Variants in PTPRM observed in about 807,000 individuals in gnomAD.
PTPRM encodes receptor-type tyrosine-protein phosphatase mu.
A neutral mutation model predicts 186.7 loss-of-function variants in PTPRM; 47 were observed. The observed-to-expected ratio is 0.25, with a 90% CI of 0.20 to 0.32. The LOEUF (loss-of-function observed/expected upper bound fraction) is 0.32, where lower values mean the gene tolerates loss of function less well. Ranked by LOEUF, PTPRM falls within the 10% of genes least tolerant of loss-of-function variation. PTPRM has a pLI of 1.00. For missense variants in PTPRM, 1,494 were observed against 1,865.0 expected (o/e 0.80, Z 3.66); for synonymous variants, 668 against 674.9 (o/e 0.99, Z 0.16).
intron 2 of PTPRM, among the ~76,000 whole-genome samples, chr18:7,807,133 TC>T (rs2145429805): frequency 6.6e-6 from 1 of 152,314 alleles, no homozygotes; most frequent in South Asian, 2.1e-4. Context: ...TAGACCTGGG[TC>T]TGCTTCCAAG....
At chr18:7,892,908 C>G (rs1051010099) in intron 3 of PTPRM, among the ~76,000 whole-genome samples, 1 of 152,132 alleles carries the variant, frequency 6.6e-6, no homozygotes, top group Non-Finnish European at 1.5e-5. Context: ...GAGGGCTGTC[C>G]CCTCGTCACC....
rs1456992081 is a variant in PTPRM, at chr18:8,126,017, A to AT, written c.2167+11191dup. The stretch of plus-strand genomic sequence containing the variant: ...TATATATATATATATATATATATAT[A>AT]TATATATATATTTTAAATCAGTAGA... On this transcript the variant is annotated intron_variant, in intron 13 of 32. Coordinates refer to ENST00000580170, the MANE Select transcript of PTPRM (RefSeq NM_001105244.2). 8.4e-3 allele frequency among the ~76,000 whole-genome samples: 245 copies of AT among 29,028 alleles called. 15 individuals carry two copies. The highest frequency in any genetic ancestry group is 0.023 in the Middle Eastern group (1 of 44). 19.0% of individuals were successfully genotyped at this position (29,028 alleles called of 152,430 possible).
chr18:7,864,337 G>T (rs2047558668), intron 2 of PTPRM, among the ~76,000 whole-genome samples: 1 of 152,132 alleles, frequency 6.6e-6, no homozygotes, highest in African/African-American at 2.4e-5. Context: ...TAGGTCTTAT[G>T]TTTAAGTTTT....
At chr18:8,026,894 C>G (rs1224202601) in intron 7 of PTPRM, among the ~76,000 whole-genome samples, 1 of 152,050 alleles carries the variant, frequency 6.6e-6, no homozygotes, top group Non-Finnish European at 1.5e-5. Context: ...CAAAGCTTGT[C>G]ATTTTTTAAA....
intron 1 of PTPRM, among the ~76,000 whole-genome samples, chr18:7,713,697 C>CA (rs139119900): frequency 0.012 from 1,447 of 115,882 alleles, 25 homozygotes; most frequent in African/African-American, 0.034. Context: ...AAATGGAAAG[C>CA]AAAAAAAAAA....
In PTPRM at chr18:8,346,324, A is replaced by G. The variant is rs572556181; in HGVS notation, c.3054+2804A>G. 2.2e-4 allele frequency among the ~76,000 whole-genome samples: 34 copies of G among 152,314 alleles called. 1 individual carries two copies. In the South Asian group the frequency reaches 5.2e-3, roughly 23 times the overall value. ...CTGTTCTGGAGGCTGGAAAGTCCCA[A>G]TCCGGGTCTGGCAGGATTCTGCTTC... On this transcript the variant is annotated intron_variant, in intron 23 of 32. Transcript: ENST00000580170.
intron 1 of PTPRM, among the ~76,000 whole-genome samples, chr18:7,627,576 C>A (rs1598567066): frequency 6.6e-6 from 1 of 152,112 alleles, no homozygotes; most frequent in East Asian, 1.9e-4. Context: ...TGCCCAGTAA[C>A]CTGCGGTGAG....
intron 7 of PTPRM, among the ~76,000 whole-genome samples, chr18:8,022,095 A>G (rs1240289636): frequency 6.6e-6 from 1 of 152,196 alleles, no homozygotes; most frequent in Non-Finnish European, 1.5e-5. Context: ...GAACTGGTCT[A>G]GGACTTGGAA....
At chr18:7,615,575 C>T (rs562306666) in intron 1 of PTPRM, among the ~76,000 whole-genome samples, 77 of 152,188 alleles carry the variant, frequency 5.1e-4, no homozygotes, top group Non-Finnish European at 9.6e-4. Context: ...ATGGAAGCAG[C>T]AGAAGGAACA....
intron 32 of PTPRM, among the ~76,000 whole-genome samples, chr18:8,397,852 T>A (rs1387860671): frequency 6.6e-6 from 1 of 152,196 alleles, no homozygotes; most frequent in Non-Finnish European, 1.5e-5. Flanking sequence ...AGGGCAGATC[T>A]TGCCTAGAGA....
intron 1 of PTPRM, among the ~76,000 whole-genome samples, chr18:7,640,223 C>T (rs1336524761): frequency 6.6e-6 from 1 of 152,120 alleles, no homozygotes; most frequent in East Asian, 1.9e-4. Context: ...TCTCCTGTTT[C>T]AGTACAGGTA....
chr18:7,864,628 C>A (rs546179768), intron 2 of PTPRM, among the ~76,000 whole-genome samples: 2 of 152,052 alleles, frequency 1.3e-5, no homozygotes. Flanking sequence ...AGTCAGGTAG[C>A]GTGATGTCTC....
At chr18:7,801,186 A>G (rs2043946602) in intron 2 of PTPRM, among the ~76,000 whole-genome samples, 1 of 152,042 alleles carries the variant, frequency 6.6e-6, no homozygotes, top group Non-Finnish European at 1.5e-5. Flanking sequence ...AATTTTTAAA[A>G]AAACTTTGAC....
chr18:8,307,812 A>T (rs1033030587), intron 20 of PTPRM, among the ~76,000 whole-genome samples: 17 of 149,602 alleles, frequency 1.1e-4, no homozygotes, highest in African/African-American at 1.5e-4. Flanking sequence ...CTCAAAAAAA[A>T]AAAATAAAAA....
intron 1 of PTPRM, among the ~76,000 whole-genome samples, chr18:7,672,477 C>G (rs2039240190): frequency 6.6e-6 from 1 of 151,812 alleles, no homozygotes. Flanking sequence ...ACCTGGAACC[C>G]CAAAAGGAAC....
At chr18:8,157,039 T>C (rs910858043) in intron 14 of PTPRM, among the ~76,000 whole-genome samples, 7 of 152,062 alleles carry the variant, frequency 4.6e-5, no homozygotes, top group Non-Finnish European at 7.3e-5. Context: ...AGCTGCACCT[T>C]TCCTCCTCAG....
At chr18:8,280,993 T>A (rs2094897263) in intron 19 of PTPRM, among the ~76,000 whole-genome samples, 1 of 152,208 alleles carries the variant, frequency 6.6e-6, no homozygotes, top group African/African-American at 2.4e-5. Context: ...TGATAGACTT[T>A]TGAAGGATAA....
rs914920303 is a variant in PTPRM at position 8,384,690 on chromosome 18, A to G, written c.4044+4A>G. 2 of 1,614,108 alleles carry G rather than the reference A, an allele frequency of 1.2e-6. No homozygotes were observed. Among genetic ancestry groups the G allele is most frequent in the East Asian group, 4.5e-5 (2 of 44,880 alleles). On this transcript the variant is annotated splice_donor_region_variant and intron_variant, in intron 30 of 32. Coordinates refer to ENST00000580170, the MANE Select transcript of PTPRM (RefSeq NM_001105244.2). Reference sequence around the variant, plus strand: ...CCGCATTTACAATGCCGCCAGAGTAAGAGACGGGCCTGTCATGCCTGTGAT... The same window carrying G: ...CCGCATTTACAATGCCGCCAGAGTAGGAGACGGGCCTGTCATGCCTGTGAT...
intron 22 of PTPRM, among the ~76,000 whole-genome samples, chr18:8,321,363 C>G (rs938923803): frequency 5.9e-5 from 9 of 152,170 alleles, no homozygotes; most frequent in African/African-American, 2.2e-4. Context: ...GAGACTGAAA[C>G]TGCCAAGTCT....
Sources: allele counts gnomAD v4.1 joint callset (sites outside exome capture counted in the v4.1 genomes callset), GRCh38; gene constraint gnomAD v4.1.1; transcripts MANE v1.5; gene names NCBI Gene and HGNC (gene_info 2026-07-23, HGNC 2026-07-21).